The following GPHN variants were observed in gnomAD, a reference collection of about 807,000 sequenced individuals.
GPHN encodes the protein gephyrin.
In GPHN, 17 loss-of-function variants were observed where a neutral mutation model predicts 95.5. The observed-to-expected ratio is 0.18, with a 90% CI of 0.12 to 0.27. The LOEUF is 0.27. Ranked by LOEUF, GPHN falls within the 10% of genes least tolerant of loss-of-function variation. The probability of loss-of-function intolerance (pLI) is 1.00; values close to 1 mark genes in which losing one functional copy is unlikely to be tolerated. For missense variants in GPHN, 660 were observed against 978.1 expected (o/e 0.67, Z 4.34); for synonymous variants, 320 against 322.5 (o/e 0.99, Z 0.08).
At chr14:66,949,330 C>T (rs541724051) in intron 8 of GPHN, among the ~76,000 whole-genome samples, 103 of 152,268 alleles carry the variant, frequency 6.8e-4, no homozygotes, top group African/African-American at 2.3e-3. Flanking sequence ...AAACTCCTGA[C>T]CTCATGATCT....
the GPHN span, among the ~76,000 whole-genome samples, chr14:67,389,644 G>A: frequency 5.3e-5 from 8 of 152,002 alleles, no homozygotes; most frequent in East Asian, 1.9e-4. Flanking sequence ...GTATAGGCAC[G>A]TATGTGTGTG....
chr14:67,198,211 C>G, the GPHN span: 2 of 1,613,884 alleles, frequency 1.2e-6, no homozygotes, highest in Non-Finnish European at 1.7e-6. Context: ...AAGCAAGATG[C>G]TCTCTGCACC....
At chr14:67,312,413 A>C in the GPHN span, 1 of 717,256 alleles carries the variant, frequency 1.4e-6, no homozygotes. Flanking sequence ...TGCTGTCTCT[A>C]TTAAATTTTT....
At chr14:67,206,348 T>G in the GPHN span, among the ~76,000 whole-genome samples, 1 of 151,892 alleles carries the variant, frequency 6.6e-6, no homozygotes, top group African/African-American at 2.4e-5. Flanking sequence ...AAAATAAAAA[T>G]TAGCCGGTGT....
chr14:67,159,026 T>C (rs556737927), intron 18 of GPHN, among the ~76,000 whole-genome samples: 2 of 152,348 alleles, frequency 1.3e-5, no homozygotes, highest in South Asian at 4.1e-4. Context: ...ACATCCTTCT[T>C]CAGACATAAA....
chr14:67,692,387 G>A, the GPHN span: 1 of 1,587,088 alleles, frequency 6.3e-7, no homozygotes, highest in Non-Finnish European at 8.6e-7. Context: ...AGTTGAATCT[G>A]CCATGTTGAC....
the GPHN span, chr14:67,685,187 A>T: frequency 6.2e-7 from 1 of 1,612,858 alleles, no homozygotes. Context: ...TGTACAGAAT[A>T]CGTCGTAACG....
the GPHN span, chr14:67,473,318 C>G: frequency 1.3e-6 from 2 of 1,496,846 alleles, no homozygotes; most frequent in African/African-American, 1.4e-5. The surrounding 1 kb of genome is among the most constrained non-coding windows in gnomAD (Gnocchi z 6.5). Context: ...GAGGCTTGGC[C>G]GGAGCAGGGC....
intron 4 of GPHN, among the ~76,000 whole-genome samples, chr14:66,871,795 G>T (rs772036777): frequency 3.9e-5 from 6 of 152,104 alleles, no homozygotes; most frequent in Non-Finnish European, 8.8e-5. Context: ...GGGAAGGGGA[G>T]GGAGGGTATT....
At chr14:67,265,648 G>A in the GPHN span, among the ~76,000 whole-genome samples, 25 of 152,196 alleles carry the variant, frequency 1.6e-4, no homozygotes, top group African/African-American at 6.0e-4. Context: ...CCTGAGGTCA[G>A]AAGTTCAAGA....
the GPHN span, among the ~76,000 whole-genome samples, chr14:67,305,463 G>A: frequency 6.6e-6 from 1 of 152,040 alleles, no homozygotes; most frequent in Non-Finnish European, 1.5e-5. Context: ...TGTACTTTTG[G>A]TAGAGATGGC....
intron 2 of GPHN, among the ~76,000 whole-genome samples, chr14:66,692,349 A>G (rs527766931): frequency 4.3e-4 from 65 of 152,290 alleles, no homozygotes; most frequent in Admixed American, 1.5e-3. Context: ...ACATTTATCA[A>G]CTACCTGCTA....
chr14:67,545,422 A>T, the GPHN span, among the ~76,000 whole-genome samples: 1 of 152,216 alleles, frequency 6.6e-6, no homozygotes, highest in African/African-American at 2.4e-5. Context: ...TTAAGTCTAG[A>T]CTAATAGGAG....
In GPHN at chr14:66,942,914, A is replaced by ATTTTG. The variant is rs1205675953; in HGVS notation, c.828+18622_828+18623insTTTTG. Among the ~76,000 whole-genome samples the ATTTTG allele has an allele frequency of 5.4e-4, 82 of 152,298 alleles. 2 individuals are homozygous for ATTTTG. Among genetic ancestry groups the ATTTTG allele is most frequent in the African/African-American group, 1.9e-3 (80 of 41,568 alleles). On this transcript the variant is annotated intron_variant, in intron 8 of 22. Coordinates refer to ENST00000478722, the MANE Select transcript of GPHN (RefSeq NM_020806.5). ...TTGTTATGAAATAGAATTCCAGATT[A>ATTTTG]CCATGAATTATTTATTTTGCCAAAA...
At chr14:67,173,118 A>G (rs1567446720) in intron 21 of GPHN, among the ~76,000 whole-genome samples, 2 of 152,270 alleles carry the variant, frequency 1.3e-5, no homozygotes, top group South Asian at 4.1e-4. Flanking sequence ...TCTGTGGACA[A>G]CCTACACTCA....
At chr14:66,600,187 C>A (rs2062167259) in intron 1 of GPHN, among the ~76,000 whole-genome samples, 1 of 151,774 alleles carries the variant, frequency 6.6e-6, no homozygotes, top group Non-Finnish European at 1.5e-5. Flanking sequence ...AGTTTTGGGG[C>A]CAATGTTATA....
At chr14:67,523,136 A>G in the GPHN span, among the ~76,000 whole-genome samples, 8,783 of 152,248 alleles carry the variant, frequency 0.058, 334 homozygotes, top group Non-Finnish European at 0.077. Flanking sequence ...CAGCCTGGCC[A>G]ACATGGTGAA....
In GPHN at chr14:66,910,152, G is replaced by A. The variant is rs150153175; in HGVS notation, c.390-5851G>A. On this transcript the variant is annotated intron_variant, in intron 5 of 22. Coordinates refer to ENST00000478722, the MANE Select transcript of GPHN (RefSeq NM_020806.5). The stretch of plus-strand genomic sequence containing the variant: ...TTTGGGGCACCCTGCACTAACAGAC[G>A]GAAATACACTAACTGCAGAACAGAA... 4.0e-5 allele frequency among the ~76,000 whole-genome samples: 6 copies of A among 151,866 alleles called. No individual in the cohort carries two copies. In the East Asian group the frequency reaches 5.8e-4, roughly 15 times the overall value.
chr14:67,468,635 G>A, the GPHN span, among the ~76,000 whole-genome samples: 3 of 152,068 alleles, frequency 2.0e-5, no homozygotes, highest in African/African-American at 4.8e-5. Flanking sequence ...CTAGAGTAGG[G>A]AAGTAGCTGG....
Sources: gnomAD v4.1 joint callset for allele counts (sites outside exome capture counted in the v4.1 genomes callset) on GRCh38, gnomAD v4.1.1 for gene constraint, Gnocchi (gnomAD v3.1) non-coding constraint, MANE v1.5 for transcripts, NCBI Gene and HGNC (gene_info 2026-07-23, HGNC 2026-07-21) for gene names.